The following BMP8B variants were observed in gnomAD, a reference collection of about 807,000 sequenced individuals.
The protein encoded by BMP8B is bone morphogenetic protein 8 (osteogenic protein 2).
Under a neutral mutation model 30.3 loss-of-function variants are expected in BMP8B, and 17 were observed. The ratio of observed to expected loss-of-function variants is 0.56; its 90% CI spans 0.38 to 0.84. The LOEUF (loss-of-function observed/expected upper bound fraction) is 0.84, where lower values mean the gene tolerates loss of function less well. BMP8B is among the 40% of genes least tolerant of loss of function. BMP8B has a pLI of 0.00. For missense variants in BMP8B, 253 were observed against 494.6 expected (o/e 0.51, Z 4.63); for synonymous variants, 131 against 214.7 (o/e 0.61, Z 3.41).
chr1:39,770,524 C>T lies in BMP8B; in HGVS notation c.673+3784G>A, dbSNP rs374640877. On this transcript the variant is annotated intron_variant, in intron 3 of 6. Transcript: ENST00000372827. ...CCCCCACCTCCACGATCTCTTCCAC[C>T]TCCACCGCCGTGACGTCTGCAGCTT... 1.8e-5 allele frequency: 29 copies of T among 1,610,196 alleles called. 2 individuals carry two copies. In the African/African-American group the frequency reaches 3.8e-4, roughly 21 times the overall value.
chr1:39,770,216 A>G lies in BMP8B; in HGVS notation c.673+4092T>C, dbSNP rs1460623316. 38 of 1,451,792 alleles carry G rather than the reference A, an allele frequency of 2.6e-5. 1 individual carries two copies. Among genetic ancestry groups the G allele is most frequent in the Non-Finnish European group, 3.0e-5 (33 of 1,086,956 alleles). The allele number at this position is 1,451,792 out of a possible 1,614,324, so 89.9% of individuals were successfully genotyped here. A position where few individuals can be genotyped will look rare whatever the true frequency, so the allele number is the denominator to read the frequency against. ...CTCATCTTCCGTGGGAAACGGGCCC[A>G]GGCCCAGGATCCCGTTCTCACTGTG... On this transcript the variant is annotated intron_variant, in intron 3 of 6. Transcript: ENST00000372827.
rs367658190 is a variant in BMP8B, at chr1:39,763,240, C to T, written c.949-38G>A. On this transcript the variant is annotated intron_variant, in intron 5 of 6. Coordinates refer to ENST00000372827, the MANE Select transcript of BMP8B (RefSeq NM_001720.5). Reference sequence around the variant, plus strand: ...GGAGAAGGTGAGTCCCATCCATGTGCCCCTCCCTGAGCCTCAGGGCCCAAA... The same window carrying T: ...GGAGAAGGTGAGTCCCATCCATGTGTCCCTCCCTGAGCCTCAGGGCCCAAA... 2,692 of 1,561,416 alleles carry T rather than the reference C, an allele frequency of 1.7e-3. 22 individuals carry two copies. Among genetic ancestry groups the T allele is most frequent in the Middle Eastern group, 0.013 (59 of 4,500 alleles).
rs766769354 is a variant in BMP8B, at chr1:39,769,913, T to C, written c.673+4395A>G. On this transcript the variant is annotated intron_variant, in intron 3 of 6. Coordinates refer to ENST00000372827, the MANE Select transcript of BMP8B (RefSeq NM_001720.5). The stretch of plus-strand genomic sequence containing the variant: ...CGGCATGGTGCATTTCTCCATGATC[T>C]TGGGGGTGTTGTCCTTTGTGCAGTG... 3.7e-6 allele frequency: 6 copies of C among 1,604,650 alleles called. No individual in the cohort carries two copies. In the Admixed American group the frequency reaches 8.4e-5, roughly 23 times the overall value.
At chr1:39,771,383 C>G in intron 3 of BMP8B, 1 of 855,810 alleles carries the variant, frequency 1.2e-6, no homozygotes, top group South Asian at 2.3e-5. Flanking sequence ...CCCGGCCAGG[C>G]GCAGGCTCTA....
Position 39,760,370 on chromosome 1 carries a change from G to A in BMP8B, c.*49C>T. 6.2e-7 allele frequency: 1 copy of A among 1,607,818 alleles called. No homozygotes were observed. Among genetic ancestry groups the A allele is most frequent in the Non-Finnish European group, 8.5e-7 (1 of 1,178,686 alleles). ...TTTGAGGGTTTCCTGCTTCTGAGGG[G>A]CCCGATCCAGATGAGAAGGGTGGCT... On this transcript the variant is annotated 3_prime_UTR_variant, in exon 7 of 7. Coordinates refer to ENST00000372827, the MANE Select transcript of BMP8B (RefSeq NM_001720.5).
At chr1:39,770,259 T>C in intron 3 of BMP8B, 2 of 1,543,046 alleles carry the variant, frequency 1.3e-6, no homozygotes, top group Non-Finnish European at 1.7e-6. Context: ...ACAGTCATGC[T>C]GGGACTGATG....
At chr1:39,768,018 A>G (rs1307751236) in intron 3 of BMP8B, among the ~76,000 whole-genome samples, 7 of 150,780 alleles carry the variant, frequency 4.6e-5, no homozygotes, top group South Asian at 4.3e-4. Context: ...CCCCAGAGCT[A>G]CACTTATGCA....
At chr1:39,760,953 T>A (rs1211418483) in intron 6 of BMP8B, among the ~76,000 whole-genome samples, 1 of 152,092 alleles carries the variant, frequency 6.6e-6, no homozygotes, top group Non-Finnish European at 1.5e-5. Flanking sequence ...TTTCTTCTTT[T>A]GGCCCTTCGG....
chr1:39,763,946 T>C lies in BMP8B; in HGVS notation c.869-155A>G, dbSNP rs1350964825. The stretch of plus-strand genomic sequence containing the variant: ...CTCATAAAGCCCATCCCTGGAACTC[T>C]GCTTGTACCATGACCCAGCTCAGAA... On this transcript the variant is annotated intron_variant, in intron 4 of 6. Transcript: ENST00000372827. 3 of 1,004,704 alleles carry C rather than the reference T, an allele frequency of 3.0e-6. 1 individual carries two copies. The African/African-American group carries it at 5.3e-5, about 18-fold the overall frequency. The allele number at this position is 1,004,704 out of a possible 1,614,324, so 62.2% of individuals were successfully genotyped here.
At chr1:39,769,739 G>C in intron 3 of BMP8B, 9 of 1,611,056 alleles carry the variant, frequency 5.6e-6, no homozygotes, top group Non-Finnish European at 6.8e-6. Flanking sequence ...GAGGTTCGGG[G>C]ACACAGCAAA....
intron 1 of BMP8B, among the ~76,000 whole-genome samples, chr1:39,780,955 G>A (rs1340618958): frequency 1.3e-5 from 2 of 152,204 alleles, no homozygotes; most frequent in Non-Finnish European, 2.9e-5. Context: ...AACGAGAGAA[G>A]GATCTTGTCG....
intron 1 of BMP8B, among the ~76,000 whole-genome samples, chr1:39,787,528 C>T (rs1651066854): frequency 6.6e-6 from 1 of 152,174 alleles, no homozygotes. Flanking sequence ...GCCCACTGGA[C>T]CATTCCACAG....
intron 3 of BMP8B, chr1:39,770,553 A>G (rs1301334905): frequency 6.2e-7 from 1 of 1,608,668 alleles, no homozygotes; most frequent in Non-Finnish European, 8.5e-7. Context: ...GCAGCTTTGC[A>G]CATGGGCACG....
intron 1 of BMP8B, among the ~76,000 whole-genome samples, chr1:39,779,955 G>A (rs140442856): frequency 1.6e-3 from 250 of 152,322 alleles, no homozygotes; most frequent in Non-Finnish European, 2.8e-3. Flanking sequence ...GTCAGCTAGG[G>A]CTGCAGTCTC....
intron 4 of BMP8B, among the ~76,000 whole-genome samples, chr1:39,764,317 G>T (rs1417254319): frequency 6.6e-6 from 1 of 151,310 alleles, no homozygotes; most frequent in Non-Finnish European, 1.5e-5. Flanking sequence ...ACAACCGCAG[G>T]TCATGAGGGG....
At chr1:39,780,458 C>T (rs1250232273) in intron 1 of BMP8B, among the ~76,000 whole-genome samples, 2 of 152,200 alleles carry the variant, frequency 1.3e-5, no homozygotes, top group Admixed American at 6.5e-5. Flanking sequence ...GAGCACCAAG[C>T]GGTGCAGTTG....
intron 6 of BMP8B, chr1:39,762,696 C>G (rs1569778940): frequency 1.4e-6 from 2 of 1,476,134 alleles, no homozygotes; most frequent in East Asian, 5.0e-5. Flanking sequence ...GCACACATAT[C>G]ACGGGCGGTC....
rs180725428 is a variant in BMP8B at position 39,786,333 on chromosome 1, C to T, written c.334+1819G>A. ...CTGGGAGGGCCTGGGGCCAACAGTG[C>T]CCAGGTCCAGGTTCACCCTCTGAGG... On this transcript the variant is annotated intron_variant, in intron 1 of 6. Coordinates refer to ENST00000372827, the MANE Select transcript of BMP8B (RefSeq NM_001720.5). Among the ~76,000 whole-genome samples, 21 of 152,366 alleles carry T rather than the reference C, an allele frequency of 1.4e-4. No individual in the cohort carries two copies. The East Asian group carries it at 3.3e-3, about 24-fold the overall frequency.
intron 6 of BMP8B, 42 bp downstream of exon 6, chr1:39,763,048 GCC>G (rs112678566): frequency 9.9e-5 from 159 of 1,600,730 alleles, no homozygotes; most frequent in Middle Eastern, 8.3e-4. Flanking sequence ...TCTCCACAGG[GCC>G]CCCCACCCCA....
Sources: allele counts gnomAD v4.1 joint callset (sites outside exome capture counted in the v4.1 genomes callset), GRCh38; gene constraint gnomAD v4.1.1; transcripts MANE v1.5; gene names NCBI Gene and HGNC (gene_info 2026-07-23, HGNC 2026-07-21).